Variants in KCNQ3 observed in about 807,000 individuals in gnomAD.
KCNQ3 encodes the protein potassium voltage-gated channel subfamily Q member 3.
A neutral mutation model predicts 92.5 loss-of-function variants in KCNQ3; 30 were observed. The observed-to-expected ratio is 0.32, with a 90% CI of 0.24 to 0.44. KCNQ3 has a LOEUF of 0.44. Among genes scored for constraint, KCNQ3 ranks in the 20% least tolerant of loss-of-function variants. The probability of loss-of-function intolerance (pLI) is 1.00; values close to 1 mark genes in which losing one functional copy is unlikely to be tolerated. For synonymous variants in KCNQ3, 450 were observed against 468.8 expected, an observed-to-expected ratio of 0.96 and a Z score of 0.52; for missense variants, 913 against 1,140.3, an observed-to-expected ratio of 0.80 and a Z score of 2.87.
At chr8:132,454,467 C>T (rs1821894270) in intron 1 of KCNQ3, among the ~76,000 whole-genome samples, 1 of 152,198 alleles carries the variant, frequency 6.6e-6, no homozygotes, top group South Asian at 2.1e-4. Context: ...ATTTTATTCT[C>T]CTACATTCTT....
At position 132,190,240 on chromosome 8, in the gene KCNQ3, A is replaced by G. The variant is rs1827119272; in HGVS notation, c.387-4059T>C. On this transcript the variant is annotated intron_variant, in intron 1 of 14. Coordinates refer to ENST00000388996, the MANE Select transcript of KCNQ3 (RefSeq NM_004519.4). The stretch of plus-strand genomic sequence containing the variant: ...GTTGTGTGTATGGTGGGCATGCCCT[A>G]AGGTAATCTCCAATGAGTCAGGCAG... Among the ~76,000 whole-genome samples the G allele has an allele frequency of 2.6e-5, 4 of 152,158 alleles. 1 individual carries two copies. The South Asian group carries it at 8.3e-4, about 32-fold the overall frequency.
intron 1 of KCNQ3, among the ~76,000 whole-genome samples, chr8:132,240,033 G>C (rs1451676353): frequency 1.3e-5 from 2 of 152,162 alleles, no homozygotes; most frequent in African/African-American, 2.4e-5. Flanking sequence ...TAGGTCTAAA[G>C]GAAACTTTGC....
At chr8:132,166,729 C>T (rs984161219) in intron 8 of KCNQ3, among the ~76,000 whole-genome samples, 3 of 151,914 alleles carry the variant, frequency 2.0e-5, no homozygotes, top group African/African-American at 4.8e-5. Flanking sequence ...ACTGCTAGCC[C>T]CCAAAACACA....
intron 1 of KCNQ3, among the ~76,000 whole-genome samples, chr8:132,322,454 A>G (rs1009588757): frequency 4.6e-5 from 7 of 152,166 alleles, no homozygotes. Flanking sequence ...GGAGAAGCCC[A>G]TCTCCTCTCC....
intron 1 of KCNQ3, among the ~76,000 whole-genome samples, chr8:132,285,492 G>A (rs1816653812): frequency 1.3e-5 from 2 of 152,214 alleles, no homozygotes; most frequent in Non-Finnish European, 2.9e-5. Flanking sequence ...TAGCATATCT[G>A]GCAGAAATTT....
At chr8:132,309,897 A>T (rs1461835500) in intron 1 of KCNQ3, among the ~76,000 whole-genome samples, 1 of 152,238 alleles carries the variant, frequency 6.6e-6, no homozygotes, top group Admixed American at 6.5e-5. Flanking sequence ...AGTTGGTCAG[A>T]TACCCCGTCA....
At chr8:132,220,165 G>C (rs1814177853) in intron 1 of KCNQ3, among the ~76,000 whole-genome samples, 1 of 152,026 alleles carries the variant, frequency 6.6e-6, no homozygotes, top group African/African-American at 2.4e-5. Context: ...CCTACCCCCT[G>C]CAATTCCAAG....
At position 132,150,626 on chromosome 8, in the gene KCNQ3, G is replaced by GT. The variant is rs1465475458; in HGVS notation, c.1263-9296dup. ...TTGGACCTTGTTTTGCTGGGAAAAG[G>GT]TTTTTTTTTGGTTGACTGAAATATT... is the stretch of plus-strand genomic sequence containing the variant. On this transcript the variant is annotated intron_variant, in intron 9 of 14. Transcript: ENST00000388996. Among the ~76,000 whole-genome samples, 71 of 151,148 alleles carry GT rather than the reference G, an allele frequency of 4.7e-4. 1 individual carries two copies. Among genetic ancestry groups the GT allele is most frequent in the Admixed American group, 2.6e-3 (39 of 15,146 alleles).
chr8:132,417,484 G>A (rs1161598012), intron 1 of KCNQ3, among the ~76,000 whole-genome samples: 1 of 152,224 alleles, frequency 6.6e-6, no homozygotes, highest in Non-Finnish European at 1.5e-5. Flanking sequence ...CCCATGGGTG[G>A]AGAATAGATT....
chr8:132,352,376 T>TA (rs1375169913), intron 1 of KCNQ3, among the ~76,000 whole-genome samples: 1 of 152,120 alleles, frequency 6.6e-6, no homozygotes, highest in Non-Finnish European at 1.5e-5. Flanking sequence ...AGGATGCTGC[T>TA]AAACATTCTA....
At chr8:132,187,654 G>A (rs554120870) in intron 1 of KCNQ3, among the ~76,000 whole-genome samples, 8 of 151,946 alleles carry the variant, frequency 5.3e-5, no homozygotes, top group Admixed American at 3.9e-4. Flanking sequence ...GATGATGGTT[G>A]TGATGATAGT....
chr8:132,468,219 G>A (rs951077288), intron 1 of KCNQ3, among the ~76,000 whole-genome samples: 2 of 152,216 alleles, frequency 1.3e-5, no homozygotes. Flanking sequence ...AGCTGATATG[G>A]AGTGAGACGA....
chr8:132,270,597 C>T (rs987574286), intron 1 of KCNQ3, among the ~76,000 whole-genome samples: 4 of 152,150 alleles, frequency 2.6e-5, no homozygotes, highest in African/African-American at 9.7e-5. Context: ...GGAAGACATA[C>T]CCATTCCTTT....
intron 1 of KCNQ3, among the ~76,000 whole-genome samples, chr8:132,237,294 A>G (rs1814848286): frequency 6.6e-6 from 1 of 152,196 alleles, no homozygotes; most frequent in Non-Finnish European, 1.5e-5. Flanking sequence ...AATCATGATG[A>G]TGATGATGAT....
intron 1 of KCNQ3, among the ~76,000 whole-genome samples, chr8:132,361,590 C>T (rs1819173663): frequency 6.6e-6 from 1 of 150,924 alleles, no homozygotes; most frequent in Admixed American, 6.6e-5. Context: ...ACAGAACACT[C>T]AAAAAGAAAA....
chr8:132,160,084 C>T (rs1825938226), intron 9 of KCNQ3, among the ~76,000 whole-genome samples: 1 of 152,118 alleles, frequency 6.6e-6, no homozygotes, highest in South Asian at 2.1e-4. Context: ...GGGTCAGGGG[C>T]AGAGGGTCAG....
chr8:132,410,693 C>T lies in KCNQ3; in HGVS notation c.386+69454G>A, dbSNP rs146823952. Among the ~76,000 whole-genome samples, 88 of 152,326 alleles carry T rather than the reference C, an allele frequency of 5.8e-4. 1 individual carries two copies. The highest frequency in any genetic ancestry group is 3.4e-3 in the Middle Eastern group (1 of 294). On this transcript the variant is annotated intron_variant, in intron 1 of 14. Transcript: ENST00000388996. Reference sequence around the variant, plus strand: ...AACGTTACCTTTCACTACAGCTCTGCAGAAACTAACAGTCACATTTTTCTA... The same window carrying T: ...AACGTTACCTTTCACTACAGCTCTGTAGAAACTAACAGTCACATTTTTCTA...
At chr8:132,161,064 C>T (rs1297803196) in intron 9 of KCNQ3, among the ~76,000 whole-genome samples, 4 of 152,126 alleles carry the variant, frequency 2.6e-5, no homozygotes, top group Non-Finnish European at 5.9e-5. Context: ...TGTAAGAATT[C>T]AGCTGGGCTT....
intron 1 of KCNQ3, among the ~76,000 whole-genome samples, chr8:132,384,394 C>T (rs1819838576): frequency 6.6e-6 from 1 of 152,162 alleles, no homozygotes; most frequent in Non-Finnish European, 1.5e-5. Flanking sequence ...AATGTGATGG[C>T]AATTTTTCAA....
Sources: allele counts gnomAD v4.1 joint callset (sites outside exome capture counted in the v4.1 genomes callset), GRCh38; gene constraint gnomAD v4.1.1; transcripts MANE v1.5; gene names NCBI Gene and HGNC (gene_info 2026-07-23, HGNC 2026-07-21).